The following RASA2 variants were observed in gnomAD, a reference collection of about 807,000 sequenced individuals.
RASA2 encodes the protein RAS p21 protein activator 2.
A neutral mutation model predicts 118.2 loss-of-function variants in RASA2; 155 were observed. That is an observed-to-expected ratio of 1.31 (90% CI 1.15 to 1.50). RASA2 has a LOEUF of 1.50. Among genes scored for constraint, RASA2 ranks in the 40% most tolerant of loss-of-function variants. RASA2 has a pLI of 0.00. For missense variants in RASA2, 1,016 were observed against 1,009.6 expected, an observed-to-expected ratio of 1.01 and a Z score of -0.09; for synonymous variants, 353 against 349.1, an observed-to-expected ratio of 1.01 and a Z score of -0.12.
chr3:141,606,984 A>C (rs2083558946), intron 19 of RASA2, among the ~76,000 whole-genome samples: 2 of 152,186 alleles, frequency 1.3e-5, no homozygotes, highest in South Asian at 4.1e-4. Flanking sequence ...TCTCAGGTAA[A>C]TCGTTAAGTT....
chr3:141,599,659 GA>G (rs1015569570), intron 19 of RASA2, among the ~76,000 whole-genome samples: 10 of 152,068 alleles, frequency 6.6e-5, no homozygotes, highest in African/African-American at 2.4e-4. Context: ...AGCAAATAAA[GA>G]GTGAATAAGG....
At chr3:141,516,143 A>G (rs1386358589) in intron 2 of RASA2, among the ~76,000 whole-genome samples, 185 bp from the exon 3 acceptor site, 1 of 151,726 alleles carries the variant, frequency 6.6e-6, no homozygotes. Context: ...TGGCACATGT[A>G]TACATATGTA....
intron 4 of RASA2, among the ~76,000 whole-genome samples, chr3:141,532,366 G>T (rs1181940238): frequency 6.6e-6 from 1 of 152,060 alleles, no homozygotes; most frequent in African/African-American, 2.4e-5. Context: ...GTGTAAGGAA[G>T]AGAAGCCTGC....
intron 1 of RASA2, among the ~76,000 whole-genome samples, chr3:141,495,495 T>C (rs1336287126): frequency 1.3e-5 from 2 of 152,188 alleles, no homozygotes; most frequent in Admixed American, 1.3e-4. Context: ...CATGAAAATA[T>C]TGGTAAAGTA....
At chr3:141,501,412 TAATA>T (rs1394019110) in intron 1 of RASA2, among the ~76,000 whole-genome samples, 1 of 152,222 alleles carries the variant, frequency 6.6e-6, no homozygotes, top group Non-Finnish European at 1.5e-5. Context: ...GAAAGGGCAC[TAATA>T]GTTACTATCC....
intron 5 of RASA2, among the ~76,000 whole-genome samples, chr3:141,542,645 A>G (rs2082421609): frequency 1.3e-5 from 2 of 152,138 alleles, no homozygotes; most frequent in Non-Finnish European, 2.9e-5. Context: ...AAACCAGGAA[A>G]TTTACATTGG....
chr3:141,553,383 C>T (rs1469903199), intron 5 of RASA2, among the ~76,000 whole-genome samples: 1 of 152,028 alleles, frequency 6.6e-6, no homozygotes, highest in East Asian at 1.9e-4. Flanking sequence ...TGTTACACAT[C>T]CCTTATCTAC....
At chr3:141,596,239 T>C (rs2083365680) in intron 19 of RASA2, among the ~76,000 whole-genome samples, 1 of 152,156 alleles carries the variant, frequency 6.6e-6, no homozygotes, top group African/African-American at 2.4e-5. Flanking sequence ...ATTTGGAAAT[T>C]AAATAAAATA....
At chr3:141,508,857 C>G (rs1431102480) in intron 1 of RASA2, among the ~76,000 whole-genome samples, 1 of 151,400 alleles carries the variant, frequency 6.6e-6, no homozygotes, top group Non-Finnish European at 1.5e-5. Flanking sequence ...CATTTATATA[C>G]CAGAATTGGC....
Position 141,586,400 on chromosome 3 carries a change from G to A in RASA2, c.1827-246G>A, listed in dbSNP as rs115717353. On this transcript the variant is annotated intron_variant, in intron 18 of 23. Coordinates refer to ENST00000286364, the MANE Select transcript of RASA2 (RefSeq NM_006506.5). ...TAAAGTGTTTATTATAAGTTAAGGG[G>A]GGGAACCACTCATTTGACCCTTTTT... is the stretch of plus-strand genomic sequence containing the variant. Among the ~76,000 whole-genome samples the A allele has an allele frequency of 0.018, 2,763 of 152,026 alleles. 31 individuals carry two copies. The highest frequency in any genetic ancestry group is 0.02 in the Non-Finnish European group (1,390 of 67,946).
At chr3:141,524,834 A>G (rs1317320032) in intron 3 of RASA2, among the ~76,000 whole-genome samples, 1 of 151,560 alleles carries the variant, frequency 6.6e-6, no homozygotes, top group Admixed American at 6.6e-5. Context: ...CAGGCAATCC[A>G]CCCACCTCAG....
intron 7 of RASA2, 110 bp from the exon 8 acceptor site, chr3:141,558,775 AT>A (rs904391115): frequency 8.1e-6 from 7 of 861,862 alleles, no homozygotes; most frequent in East Asian, 5.4e-5. Flanking sequence ...TTACTTGGAC[AT>A]TTTCCTCTGC....
At chr3:141,524,726 G>C (rs1286278064) in intron 3 of RASA2, among the ~76,000 whole-genome samples, 1 of 152,096 alleles carries the variant, frequency 6.6e-6, no homozygotes, top group Admixed American at 6.5e-5. Flanking sequence ...GAGTAGCTGG[G>C]ACTACAGGCG....
chr3:141,576,513 A>T (rs903584251), intron 14 of RASA2, among the ~76,000 whole-genome samples: 1 of 152,154 alleles, frequency 6.6e-6, no homozygotes, highest in Admixed American at 6.6e-5. Context: ...TTATTTATGG[A>T]CTGTTGATAG....
chr3:141,579,868 C>T (rs181387890), intron 15 of RASA2, among the ~76,000 whole-genome samples: 20 of 151,398 alleles, frequency 1.3e-4, no homozygotes, highest in African/African-American at 4.8e-4. Context: ...CCAGCCTGGC[C>T]AACATGGCAA....
In RASA2 at chr3:141,487,073, C is replaced by G; in HGVS notation, c.-11C>G. The G allele has an allele frequency of 7.6e-7, 1 of 1,307,500 alleles. No individual in the cohort carries two copies. The highest frequency in any genetic ancestry group is 9.8e-7 in the Non-Finnish European group (1 of 1,018,460). The allele number at this position is 1,307,500 out of a possible 1,614,324, so 81.0% of individuals were successfully genotyped here. On this transcript the variant is annotated 5_prime_UTR_variant, in exon 1 of 24. Transcript: ENST00000286364. ...CAGGCGGCAGGGCTGCGGCACGGGC[C>G]GGGCGGCACCATGGCGGCGGCGGCG...
chr3:141,514,205 A>G (rs978855622), intron 2 of RASA2, among the ~76,000 whole-genome samples: 2 of 152,260 alleles, frequency 1.3e-5, no homozygotes, highest in Non-Finnish European at 2.9e-5. Flanking sequence ...AAAAACCCTG[A>G]TAACTCAAAA....
At chr3:141,542,933 G>T (rs1375543044) in intron 5 of RASA2, among the ~76,000 whole-genome samples, 1 of 152,114 alleles carries the variant, frequency 6.6e-6, no homozygotes, top group African/African-American at 2.4e-5. Context: ...ATGACTGTGT[G>T]TAGTTTTTTG....
rs2083426968 is a variant in RASA2 at position 141,599,310 on chromosome 3, A to G, written c.1934-8368A>G. On this transcript the variant is annotated intron_variant, in intron 19 of 23. Coordinates refer to ENST00000286364, the MANE Select transcript of RASA2 (RefSeq NM_006506.5). ...ATGTTACTCTGCTGTTACATAGGGC[A>G]TAACATTTTCACAAGGCTTTTTTGG... Among the ~76,000 whole-genome samples the G allele has an allele frequency of 2.0e-5, 3 of 148,566 alleles. No individual in the cohort carries two copies. The South Asian group carries it at 6.3e-4, about 31-fold the overall frequency.
Sources: gnomAD v4.1 joint callset for allele counts (sites outside exome capture counted in the v4.1 genomes callset) on GRCh38, gnomAD v4.1.1 for gene constraint, MANE v1.5 for transcripts, NCBI Gene and HGNC (gene_info 2026-07-23, HGNC 2026-07-21) for gene names.